The following NID2 variants were observed in gnomAD, a reference collection of about 807,000 sequenced individuals.
The protein encoded by NID2 is nidogen 2.
NID2 carries 83 observed loss-of-function variants against 145.4 expected under a neutral mutation model. The observed-to-expected ratio is 0.57, with a 90% confidence interval of 0.48 to 0.69. The LOEUF (loss-of-function observed/expected upper bound fraction) is 0.69, where lower values mean the gene tolerates loss of function less well. NID2 is among the 30% of genes least tolerant of loss of function. NID2 has a pLI of 0.00. For synonymous variants in NID2, 739 were observed against 701.3 expected (o/e 1.05, Z -0.85); for missense variants, 1,807 against 1,765.7 (o/e 1.02, Z -0.42).
intron 3 of NID2, among the ~76,000 whole-genome samples, chr14:52,057,381 C>T (rs1034425975): frequency 2.6e-5 from 4 of 152,124 alleles, no homozygotes; most frequent in South Asian, 2.1e-4. Context: ...TAGCAATGAA[C>T]TGGCATGATG....
Position 52,019,280 on chromosome 14 carries a change from G to A in NID2, c.2809C>T (p.Leu937=), listed in dbSNP as rs374690784. 6.3e-6 allele frequency: 10 copies of A among 1,588,518 alleles called. No individual in the cohort carries two copies. The highest frequency in any genetic ancestry group is 5.4e-5 in the African/African-American group (4 of 74,496). The change falls in exon 14 of 22, where the codon CTG becomes TTG. Residue 937 remains leucine, a synonymous_variant. Coordinates refer to ENST00000216286, the MANE Select transcript of NID2 (RefSeq NM_007361.4). ...CGCTGCTGTTGTTCACAGGGTGTCAGGCTTGAGGTGGAGTCTTCCAGGATC... is the reference window on the plus strand; with the variant it reads ...CGCTGCTGTTGTTCACAGGGTGTCAAGCTTGAGGTGGAGTCTTCCAGGATC... ...FQCIPDSTSS[L]TPCEQQQRHA...
At chr14:52,005,877 A>G (rs374684797) in intron 20 of NID2, 28 bp from the exon 21 acceptor site, 4 of 1,505,906 alleles carry the variant, frequency 2.7e-6, no homozygotes, top group East Asian at 2.3e-5. Context: ...GAGTGAATTC[A>G]GGGACAGTCA....
At chr14:52,040,627 G>T (rs1373331421) in intron 8 of NID2, 24 bp downstream of exon 8, 1 of 1,595,330 alleles carries the variant, frequency 6.3e-7, no homozygotes, top group Admixed American at 1.7e-5. Flanking sequence ...CCATTTTACA[G>T]ATGTGAAGAC....
chr14:52,022,176 G>T (rs1891424223), intron 12 of NID2, among the ~76,000 whole-genome samples: 2 of 150,458 alleles, frequency 1.3e-5, no homozygotes, highest in Non-Finnish European at 1.5e-5. Context: ...GGTGTGCTTA[G>T]AACCTTCAGC....
At chr14:52,041,315 G>T (rs1455506516) in intron 7 of NID2, among the ~76,000 whole-genome samples, 1 of 152,100 alleles carries the variant, frequency 6.6e-6, no homozygotes, top group Non-Finnish European at 1.5e-5. Context: ...ATTTATCCAG[G>T]TGTGCCATTT....
Position 52,046,465 on chromosome 14 carries a change from G to A in NID2, c.1430-3534C>T, listed in dbSNP as rs560367654. ...CAGTTATTTTGTGAAGCCTTATTCT[G>A]CAACCCAATTCTTATTCTGAGGCTG... On this transcript the variant is annotated intron_variant, in intron 5 of 21. Coordinates refer to ENST00000216286, the MANE Select transcript of NID2 (RefSeq NM_007361.4). Among the ~76,000 whole-genome samples the A allele has an allele frequency of 4.6e-4, 70 of 152,168 alleles. 1 individual carries two copies. Among genetic ancestry groups the A allele is most frequent in the African/African-American group, 1.7e-3 (69 of 41,490 alleles).
At chr14:52,035,420 T>C (rs1442076601) in intron 9 of NID2, among the ~76,000 whole-genome samples, 1 of 152,238 alleles carries the variant, frequency 6.6e-6, no homozygotes, top group East Asian at 1.9e-4. Flanking sequence ...CTTTTAAGTT[T>C]CCTGCATGTC....
intron 9 of NID2, 122 bp from the exon 10 acceptor site, chr14:52,029,812 C>A: frequency 2.6e-6 from 2 of 760,000 alleles, no homozygotes; most frequent in Middle Eastern, 3.7e-4. Flanking sequence ...GAAGACCTTA[C>A]TAAATTATCC....
intron 3 of NID2, among the ~76,000 whole-genome samples, chr14:52,058,388 T>A (rs1470255551): frequency 6.6e-6 from 1 of 152,258 alleles, no homozygotes. Flanking sequence ...CACATTATTC[T>A]GCATTGCTTG....
chr14:52,038,663 T>C, intron 9 of NID2, 84 bp downstream of exon 9: 2 of 1,084,132 alleles, frequency 1.8e-6, no homozygotes, highest in Non-Finnish European at 2.6e-6. Context: ...TGGCACTAGG[T>C]AACCCTTAGT....
In NID2 at chr14:52,042,381, A is replaced by G. The variant is rs775133892; in HGVS notation, c.1580-31T>C. ...AGACAGCAAATCCAGTTAGGCTTGGACGTCATCCTGGCTAGAGATGGGTGT... is the reference window on the plus strand; with the variant it reads ...AGACAGCAAATCCAGTTAGGCTTGGGCGTCATCCTGGCTAGAGATGGGTGT... On this transcript the variant is annotated intron_variant, in intron 6 of 21. Coordinates refer to ENST00000216286, the MANE Select transcript of NID2 (RefSeq NM_007361.4). The G allele has an allele frequency of 2.0e-5, 32 of 1,588,886 alleles. No individual in the cohort carries two copies. In the Admixed American group the frequency reaches 3.0e-4, roughly 15 times the overall value.
Position 52,038,900 on chromosome 14 carries a change from G to C in NID2, c.2104C>G (p.Gln702Glu). Reference sequence around the variant, plus strand: ...CTGCACACCTGGTAAGTGATGTTCTGGTGGATGCGGTAGGACCATGTTTGG... The same window carrying C: ...CTGCACACCTGGTAAGTGATGTTCTCGTGGATGCGGTAGGACCATGTTTGG... ...INQTWSYRIH[Q>E]NITYQVCRHA... is the part of the protein sequence containing the mutation. The change falls in exon 9 of 22, where the codon CAG (glutamine) becomes GAG (glutamate). Residue 702 changes from glutamine (Q) to glutamate (E), a missense_variant. Coordinates refer to ENST00000216286, the MANE Select transcript of NID2 (RefSeq NM_007361.4). The C allele has an allele frequency of 6.2e-7, 1 of 1,614,188 alleles. No individual in the cohort carries two copies. Among genetic ancestry groups the C allele is most frequent in the Non-Finnish European group, 8.5e-7 (1 of 1,180,034 alleles).
chr14:52,019,102 G>C lies in NID2; in HGVS notation c.2987C>G (p.Thr996Ser). Reference sequence around the variant, plus strand: ...GTGAGGCGGGGTGGAGCCAGGTGGAGTCTGGGTACCAGGAACTTCATGACC... The same window carrying C: ...GTGAGGCGGGGTGGAGCCAGGTGGACTCTGGGTACCAGGAACTTCATGACC... ...PDGHEVPGTQ[T>S]PPGSTPPHCG... Residue 996 changes from threonine (T) to serine (S), a missense_variant, in exon 14 of 22, where the codon ACT (threonine) becomes AGT (serine). By Grantham distance (58) the Thr-to-Ser change is moderately conservative. Coordinates refer to ENST00000216286, the MANE Select transcript of NID2 (RefSeq NM_007361.4). The C allele has an allele frequency of 1.2e-6, 2 of 1,614,136 alleles. No individual in the cohort carries two copies. The highest frequency in any genetic ancestry group is 1.7e-6 in the Non-Finnish European group (2 of 1,180,012).
chr14:52,054,028 G>A lies in NID2; in HGVS notation c.1061C>T (p.Pro354Leu). 1 of 1,613,712 alleles carries A rather than the reference G, an allele frequency of 6.2e-7. No individual in the cohort carries two copies. The highest frequency in any genetic ancestry group is 8.5e-7 in the Non-Finnish European group (1 of 1,179,802). Residue 354 changes from proline (P) to leucine (L), a missense_variant, in exon 4 of 22, where the codon CCT becomes CTT. Transcript: ENST00000216286. ...VSFQSKVDTKPLEESSTLDPH... is the reference protein window; with the variant it reads ...VSFQSKVDTKLLEESSTLDPH... ...TGGAGGGGAGATCCTACCCTCTAAAGGCTTTGTATCCACTTTGGATTGGAA... is the reference window on the plus strand; with the variant it reads ...TGGAGGGGAGATCCTACCCTCTAAAAGCTTTGTATCCACTTTGGATTGGAA...
chr14:52,018,373 C>G (rs1490090947), intron 14 of NID2, among the ~76,000 whole-genome samples: 4 of 152,172 alleles, frequency 2.6e-5, no homozygotes, highest in Non-Finnish European at 5.9e-5. Context: ...CAACAAGGAA[C>G]AGAAAGTTGC....
At position 52,068,915 on chromosome 14, in the gene NID2, C is replaced by A. The variant is rs768166480; in HGVS notation, c.80G>T (p.Arg27Leu). 6.2e-7 allele frequency: 1 copy of A among 1,614,026 alleles called. No homozygotes were observed. The highest frequency in any genetic ancestry group is 8.5e-7 in the Non-Finnish European group (1 of 1,179,996). Residue 27 changes from arginine (R) to leucine (L), a missense_variant, in exon 1 of 22, where the codon CGG becomes CTG. Coordinates refer to ENST00000216286, the MANE Select transcript of NID2 (RefSeq NM_007361.4). ...VLLLLPLLML[R>L]AAALHPDELF... ...CTCGTCTGGGTGCAGCGCCGCGGCCCGCAACATTAGCAACGGCAGCAGCAG... is the reference window on the plus strand; with the variant it reads ...CTCGTCTGGGTGCAGCGCCGCGGCCAGCAACATTAGCAACGGCAGCAGCAG...
intron 21 of NID2, 116 bp from the exon 22 acceptor site, chr14:52,005,612 CTG>C: frequency 6.9e-7 from 1 of 1,446,122 alleles, no homozygotes; most frequent in Non-Finnish European, 9.7e-7. Flanking sequence ...GTAGTAAAGA[CTG>C]GCCCTCAGGG....
chr14:52,068,901 G>C lies in NID2; in HGVS notation c.94C>G (p.His32Asp), dbSNP rs754290431. The change falls in exon 1 of 22, where the codon CAC becomes GAC. Residue 32 changes from histidine (H) to aspartate (D), a missense_variant. His to Asp is a moderately conservative substitution (Grantham distance 81). Coordinates refer to ENST00000216286, the MANE Select transcript of NID2 (RefSeq NM_007361.4). ...CCGTGTGGGAAGAGCTCGTCTGGGT[G>C]CAGCGCCGCGGCCCGCAACATTAGC... ...PLLMLRAAAL[H>D]PDELFPHGES... The C allele has an allele frequency of 6.2e-7, 1 of 1,613,930 alleles. No homozygotes were observed. Among genetic ancestry groups the C allele is most frequent in the Non-Finnish European group, 8.5e-7 (1 of 1,180,038 alleles).
chr14:52,005,534 T>C (rs777103067), intron 21 of NID2, 38 bp from the exon 22 acceptor site: 1 of 1,587,530 alleles, frequency 6.3e-7, no homozygotes, highest in African/African-American at 1.4e-5. Flanking sequence ...GGGTGGTGGG[T>C]GAGTATATTG....
Sources: allele counts gnomAD v4.1 joint callset (sites outside exome capture counted in the v4.1 genomes callset), GRCh38; gene constraint gnomAD v4.1.1; transcripts MANE v1.5; gene names NCBI Gene and HGNC (gene_info 2026-07-23, HGNC 2026-07-21).